The following KCNB2 variants were observed in gnomAD, a reference collection of about 807,000 sequenced individuals.
The protein encoded by KCNB2 is delayed rectifier potassium channel protein.
Under a neutral mutation model 61.5 loss-of-function variants are expected in KCNB2, and 15 were observed. The observed-to-expected ratio is 0.24, with a 90% CI of 0.16 to 0.38. The LOEUF (loss-of-function observed/expected upper bound fraction) is 0.38, where lower values mean the gene tolerates loss of function less well. Ranked by LOEUF, KCNB2 falls within the 10% of genes least tolerant of loss-of-function variation. The probability of loss-of-function intolerance (pLI) is 1.00; values close to 1 mark genes in which losing one functional copy is unlikely to be tolerated. For missense variants in KCNB2, 828 were observed against 1,125.2 expected (o/e 0.74, Z 3.78); for synonymous variants, 457 against 446.0 (o/e 1.02, Z -0.31).
chr8:72,646,429 C>G (rs543843859), intron 2 of KCNB2, among the ~76,000 whole-genome samples: 1 of 152,148 alleles, frequency 6.6e-6, no homozygotes, highest in African/African-American at 2.4e-5. Context: ...GAAGGATTGG[C>G]TCATAAATCT....
intron 2 of KCNB2, among the ~76,000 whole-genome samples, chr8:72,651,311 A>C (rs549889840): frequency 1.3e-5 from 2 of 152,146 alleles, no homozygotes; most frequent in Non-Finnish European, 1.5e-5. Flanking sequence ...ATAATTTTCA[A>C]TGAGGGCCTA....
intron 2 of KCNB2, among the ~76,000 whole-genome samples, chr8:72,707,422 T>A (rs1446942562): frequency 2.0e-5 from 3 of 152,214 alleles, no homozygotes; most frequent in Admixed American, 6.5e-5. Context: ...TGATCATTGA[T>A]CTGCAAGCAT....
intron 2 of KCNB2, among the ~76,000 whole-genome samples, chr8:72,569,820 G>T (rs1003630306): frequency 6.6e-6 from 1 of 152,012 alleles, no homozygotes; most frequent in East Asian, 1.9e-4. Context: ...AAGCCTTTAG[G>T]CAACTAAGGA....
chr8:72,882,575 G>A (rs1230704255), intron 2 of KCNB2, among the ~76,000 whole-genome samples: 2 of 148,496 alleles, frequency 1.3e-5, no homozygotes, highest in African/African-American at 2.5e-5. Context: ...CTTCATTACG[G>A]CTCTGCACTT....
At chr8:72,709,541 C>T (rs948469925) in intron 2 of KCNB2, among the ~76,000 whole-genome samples, 2 of 151,718 alleles carry the variant, frequency 1.3e-5, no homozygotes. Flanking sequence ...GCAGGTGTGT[C>T]ACATGGCAAG....
At chr8:72,777,913 A>G (rs905282593) in intron 2 of KCNB2, among the ~76,000 whole-genome samples, 16 of 152,134 alleles carry the variant, frequency 1.1e-4, no homozygotes, top group Admixed American at 6.5e-4. Context: ...AAAATCCAGT[A>G]CTGGATTTTC....
intron 2 of KCNB2, among the ~76,000 whole-genome samples, chr8:72,662,503 G>T: frequency 6.6e-6 from 1 of 152,200 alleles, no homozygotes; most frequent in Non-Finnish European, 1.5e-5. Context: ...ATGGCTGGGG[G>T]CTCCAGCTAC....
At chr8:72,596,959 T>G (rs922409448) in intron 2 of KCNB2, among the ~76,000 whole-genome samples, 25 of 145,502 alleles carry the variant, frequency 1.7e-4, no homozygotes, top group African/African-American at 6.3e-4. Context: ...GCAGAAGCAC[T>G]GGGAAACAGC....
intron 2 of KCNB2, among the ~76,000 whole-genome samples, chr8:72,904,798 C>G (rs1418585784): frequency 6.6e-6 from 1 of 151,966 alleles, no homozygotes; most frequent in Non-Finnish European, 1.5e-5. Context: ...ATTATCATCC[C>G]TTGCTCAAAT....
At chr8:72,599,552 G>A (rs1267915048) in intron 2 of KCNB2, among the ~76,000 whole-genome samples, 1 of 152,144 alleles carries the variant, frequency 6.6e-6, no homozygotes, top group African/African-American at 2.4e-5. Context: ...AGGACTTCAT[G>A]ACTAAAACAG....
intron 2 of KCNB2, among the ~76,000 whole-genome samples, chr8:72,715,202 A>G (rs1249785906): frequency 6.6e-6 from 1 of 152,144 alleles, no homozygotes; most frequent in African/African-American, 2.4e-5. Context: ...ACTCCCACAC[A>G]ATAATAATGG....
intron 2 of KCNB2, among the ~76,000 whole-genome samples, chr8:72,606,651 C>G (rs991141195): frequency 6.6e-6 from 1 of 152,132 alleles, no homozygotes; most frequent in Non-Finnish European, 1.5e-5. Flanking sequence ...TTTGGGCCAG[C>G]ATGTGATTTA....
intron 2 of KCNB2, among the ~76,000 whole-genome samples, chr8:72,818,209 G>T (rs1809436288): frequency 6.6e-6 from 1 of 151,812 alleles, no homozygotes; most frequent in Non-Finnish European, 1.5e-5. Context: ...AAAAATTATG[G>T]CCTATCACCC....
intron 2 of KCNB2, among the ~76,000 whole-genome samples, chr8:72,641,204 G>T (rs962571738): frequency 6.6e-6 from 1 of 152,022 alleles, no homozygotes; most frequent in Admixed American, 6.6e-5. Context: ...ATTTGGGAAT[G>T]ATTATTTTGG....
chr8:72,771,504 C>T (rs548542137), intron 2 of KCNB2, among the ~76,000 whole-genome samples: 90 of 152,190 alleles, frequency 5.9e-4, no homozygotes, highest in African/African-American at 2.1e-3. Flanking sequence ...ATATTAATTA[C>T]GGTGAGGTCA....
intron 2 of KCNB2, among the ~76,000 whole-genome samples, chr8:72,646,328 C>G (rs573067836): frequency 6.6e-6 from 1 of 152,100 alleles, no homozygotes; most frequent in African/African-American, 2.4e-5. Context: ...TATGAGAAGT[C>G]TAGTTAAGAG....
chr8:72,575,520 T>C (rs990600027), intron 2 of KCNB2, among the ~76,000 whole-genome samples: 3 of 152,138 alleles, frequency 2.0e-5, no homozygotes, highest in African/African-American at 7.2e-5. Flanking sequence ...ACCTATAGGA[T>C]TGTTTGTTAA....
At chr8:72,715,294 C>A (rs1239724184) in intron 2 of KCNB2, among the ~76,000 whole-genome samples, 2 of 152,194 alleles carry the variant, frequency 1.3e-5, no homozygotes, top group African/African-American at 4.8e-5. Context: ...TTGAACTCGG[C>A]TCTGCACCAA....
Position 72,596,239 on chromosome 8 carries a change from A to G in KCNB2, c.579+27926A>G, listed in dbSNP as rs79615952. The stretch of plus-strand genomic sequence containing the variant: ...GAATTTGACCTCATATTTCCTTTGC[A>G]GTAAGGTACTCTGATGTCAAGAGAC... On this transcript the variant is annotated intron_variant, in intron 2 of 2. Coordinates refer to ENST00000523207, the MANE Select transcript of KCNB2 (RefSeq NM_004770.3). 5.0e-3 allele frequency among the ~76,000 whole-genome samples: 754 copies of G among 152,290 alleles called. 5 individuals carry two copies. Among genetic ancestry groups the G allele is most frequent in the Non-Finnish European group, 8.9e-3 (606 of 67,990 alleles).
Sources: gnomAD v4.1 joint callset for allele counts (sites outside exome capture counted in the v4.1 genomes callset) on GRCh38, gnomAD v4.1.1 for gene constraint, MANE v1.5 for transcripts, NCBI Gene and HGNC (gene_info 2026-07-23, HGNC 2026-07-21) for gene names.